Variants in KIAA1958 observed in about 807,000 individuals in gnomAD.
KIAA1958 encodes uncharacterized protein KIAA1958.
Under a neutral mutation model 47.2 loss-of-function variants are expected in KIAA1958, and 14 were observed. The ratio of observed to expected loss-of-function variants is 0.30; its 90% CI spans 0.20 to 0.46. KIAA1958 has a LOEUF of 0.46. Among genes scored for constraint, KIAA1958 ranks in the 20% least tolerant of loss-of-function variants. The pLI, the probability that KIAA1958 is intolerant of heterozygous loss-of-function variation, is 1.00. For synonymous variants in KIAA1958, 354 were observed against 353.3 expected (o/e 1.00, Z -0.02); for missense variants, 803 against 909.2 (o/e 0.88, Z 1.50).
At chr9:112,582,537 C>T (rs370569759) in intron 2 of KIAA1958, 1 of 155,172 alleles carries the variant, frequency 6.4e-6, no homozygotes, top group African/African-American at 2.4e-5. Flanking sequence ...CTCTGAAGAC[C>T]TAAGCTATGT....
chr9:112,623,959 C>G (rs1021844216), intron 2 of KIAA1958, among the ~76,000 whole-genome samples: 1 of 152,188 alleles, frequency 6.6e-6, no homozygotes, highest in African/African-American at 2.4e-5. Context: ...CAGCCCTCTT[C>G]TGACTGATTT....
chr9:112,550,571 G>A (rs897578324), intron 1 of KIAA1958, among the ~76,000 whole-genome samples: 5 of 152,144 alleles, frequency 3.3e-5, no homozygotes, highest in Non-Finnish European at 5.9e-5. Flanking sequence ...TTACTACAGC[G>A]AAAGAATACA....
intron 2 of KIAA1958, among the ~76,000 whole-genome samples, chr9:112,616,044 G>T (rs1269923126): frequency 6.6e-6 from 1 of 152,230 alleles, no homozygotes; most frequent in Admixed American, 6.5e-5. Context: ...AAGAAAAACA[G>T]ATGTGCTGGC....
intron 2 of KIAA1958, among the ~76,000 whole-genome samples, chr9:112,602,162 A>G (rs1411465872): frequency 6.6e-6 from 1 of 152,200 alleles, no homozygotes; most frequent in Non-Finnish European, 1.5e-5. Context: ...ATTTTATTTT[A>G]TGGTAGTTAT....
chr9:112,531,834 A>G lies in KIAA1958; in HGVS notation c.-24-42223A>G, dbSNP rs560726683. Among the ~76,000 whole-genome samples the G allele has an allele frequency of 6.6e-5, 10 of 152,370 alleles. No homozygotes were observed. The East Asian group carries it at 1.9e-3, about 29-fold the overall frequency. On this transcript the variant is annotated intron_variant, in intron 1 of 3. Coordinates refer to ENST00000337530, the MANE Select transcript of KIAA1958 (RefSeq NM_133465.4). ...TATCCACACGAATGGATCAAAGTCC[A>G]AAGGTTAACGCTCATGTTGATGTAT...
At chr9:112,577,233 G>A (rs934279006) in intron 2 of KIAA1958, among the ~76,000 whole-genome samples, 1 of 151,968 alleles carries the variant, frequency 6.6e-6, no homozygotes, top group Non-Finnish European at 1.5e-5. Context: ...TATGTGTGCT[G>A]AATATGAGAT....
At position 112,510,631 on chromosome 9, in the gene KIAA1958, G is replaced by T. The variant is rs957607591; in HGVS notation, c.-25+23513G>T. 3.9e-5 allele frequency among the ~76,000 whole-genome samples: 6 copies of T among 152,186 alleles called. No individual in the cohort carries two copies. The South Asian group carries it at 1.0e-3, about 26-fold the overall frequency. On this transcript the variant is annotated intron_variant, in intron 1 of 3. Transcript: ENST00000337530. Reference sequence around the variant, plus strand: ...TTCATTAAATCGCTTTAATTCCAAAGAATTCTGCTGCTTATACCTCTCTTC... The same window carrying T: ...TTCATTAAATCGCTTTAATTCCAAATAATTCTGCTGCTTATACCTCTCTTC...
At chr9:112,487,755 TTTG>T (rs1293641960) in intron 1 of KIAA1958, among the ~76,000 whole-genome samples, 1 of 152,008 alleles carries the variant, frequency 6.6e-6, no homozygotes, top group African/African-American at 2.4e-5. Context: ...GTGATTTGTG[TTTG>T]TTATCAAATA....
chr9:112,645,762 G>C lies in KIAA1958; in HGVS notation c.1284G>C (p.Leu428Phe). The C allele has an allele frequency of 5.6e-6, 9 of 1,614,114 alleles. No individual in the cohort carries two copies. The highest frequency in any genetic ancestry group is 7.6e-6 in the Non-Finnish European group (9 of 1,179,988). Residue 428 changes from leucine (L) to phenylalanine (F), a missense_variant, in exon 3 of 4, where the codon TTG becomes TTC. Physicochemically the swap from Leu to Phe is conservative, Grantham distance 22. Around this residue, in one of 2 missense-constraint regions of KIAA1958, gnomAD observed 761 missense variants for 829.3 expected, o/e 0.92. Coordinates refer to ENST00000337530, the MANE Select transcript of KIAA1958 (RefSeq NM_133465.4). ...CTACCAAAGCCACGCGGTACGCCTT[G>C]AATGTGTGGCGTTATTGGTGCATGA... ...PNTTKATRYALNVWRYWCMTN... is the reference protein window; with the variant it reads ...PNTTKATRYAFNVWRYWCMTN...
intron 3 of KIAA1958, among the ~76,000 whole-genome samples, chr9:112,648,820 C>T (rs1690246497): frequency 6.6e-6 from 1 of 152,144 alleles, no homozygotes; most frequent in Non-Finnish European, 1.5e-5. Flanking sequence ...ATAAAATTCA[C>T]AATGTCTAGC....
At position 112,575,089 on chromosome 9, in the gene KIAA1958, G is replaced by C. The variant is rs775801762; in HGVS notation, c.1009G>C (p.Val337Leu). The C allele has an allele frequency of 8.1e-6, 13 of 1,612,152 alleles. No individual in the cohort carries two copies. The African/African-American group carries it at 1.1e-4, about 13-fold the overall frequency. Reference sequence around the variant, plus strand: ...GCAGCTGCCTGGACAGGATGAGCAAGTTGCCTCTGAAGAGTTCCTGTCCCA... The same window carrying C: ...GCAGCTGCCTGGACAGGATGAGCAACTTGCCTCTGAAGAGTTCCTGTCCCA... The part of the protein sequence containing the change: ...ALQLPGQDEQ[V>L]ASEEFLSHLP... The change falls in exon 2 of 4, where the codon GTT becomes CTT. Residue 337 changes from valine (V) to leucine (L), a missense_variant. This residue lies in a region of KIAA1958 where 761 missense variants were observed against 829.3 expected (regional missense o/e 0.92). Transcript: ENST00000337530.
chr9:112,511,156 AAGTGGGAG>A (rs1834319428), intron 1 of KIAA1958, among the ~76,000 whole-genome samples: 2 of 152,160 alleles, frequency 1.3e-5, no homozygotes, highest in Admixed American at 1.3e-4. Flanking sequence ...TCAGTTAGGA[AAGTGGGAG>A]AGTAAATATG....
intron 2 of KIAA1958, among the ~76,000 whole-genome samples, chr9:112,582,237 T>C (rs1354262260): frequency 6.6e-6 from 1 of 152,190 alleles, no homozygotes; most frequent in Non-Finnish European, 1.5e-5. Flanking sequence ...ACTAGAGAAG[T>C]ATAATTGGAT....
intron 1 of KIAA1958, among the ~76,000 whole-genome samples, chr9:112,553,975 T>C (rs1835199028): frequency 6.6e-6 from 1 of 152,046 alleles, no homozygotes; most frequent in Admixed American, 6.5e-5. Flanking sequence ...CTAGCAAAGA[T>C]TGAAAAAAAT....
At chr9:112,589,359 G>A (rs1488530840) in intron 2 of KIAA1958, among the ~76,000 whole-genome samples, 1 of 152,154 alleles carries the variant, frequency 6.6e-6, no homozygotes, top group Non-Finnish European at 1.5e-5. Context: ...CACTTTGGGA[G>A]GCTGAGGCTG....
intron 2 of KIAA1958, among the ~76,000 whole-genome samples, chr9:112,597,031 C>G (rs1836044325): frequency 6.6e-6 from 1 of 151,930 alleles, no homozygotes; most frequent in South Asian, 2.1e-4. Flanking sequence ...TAAAATTCAT[C>G]AGATGTTATC....
intron 1 of KIAA1958, among the ~76,000 whole-genome samples, chr9:112,551,036 G>GTT (rs201387967): frequency 2.4e-5 from 3 of 122,682 alleles, no homozygotes; most frequent in Admixed American, 8.0e-5. Context: ...CTGCATAGTT[G>GTT]TTTTTTTTTT....
intron 2 of KIAA1958, among the ~76,000 whole-genome samples, chr9:112,623,745 G>A (rs1172694537): frequency 1.3e-5 from 2 of 152,148 alleles, no homozygotes; most frequent in Non-Finnish European, 2.9e-5. Context: ...CCCAATTAAA[G>A]CCAAAACCCC....
At chr9:112,511,848 A>G (rs930144331) in intron 1 of KIAA1958, among the ~76,000 whole-genome samples, 5 of 152,246 alleles carry the variant, frequency 3.3e-5, no homozygotes, top group African/African-American at 7.2e-5. Context: ...GGTAATATCA[A>G]TGTGAATTCT....
Sources: allele counts gnomAD v4.1 joint callset (sites outside exome capture counted in the v4.1 genomes callset), GRCh38; gene constraint gnomAD v4.1.1; regional missense constraint gnomAD v4.1.1; transcripts MANE v1.5; gene names NCBI Gene and HGNC (gene_info 2026-07-23, HGNC 2026-07-21).